Variants in NLRC5 observed in about 807,000 individuals in gnomAD.
The protein encoded by NLRC5 is protein NLRC5.
Under a neutral mutation model 206.9 loss-of-function variants are expected in NLRC5, and 114 were observed. The observed-to-expected ratio is 0.55, with a 90% CI of 0.47 to 0.64. The LOEUF (loss-of-function observed/expected upper bound fraction) is 0.64. NLRC5 is among the 30% of genes least tolerant of loss of function. NLRC5 has a pLI of 0.00. For synonymous variants in NLRC5, 952 were observed against 962.8 expected, an observed-to-expected ratio of 0.99 and a Z score of 0.21; for missense variants, 2,008 against 2,305.5, an observed-to-expected ratio of 0.87 and a Z score of 2.64.
At chr16:57,032,719 G>A (rs1486545753) in intron 11 of NLRC5, among the ~76,000 whole-genome samples, 1 of 151,778 alleles carries the variant, frequency 6.6e-6, no homozygotes, top group East Asian at 1.9e-4. Flanking sequence ...TAAACAGGCT[G>A]GCATGGTGGC....
intron 21 of NLRC5, among the ~76,000 whole-genome samples, chr16:57,045,791 G>A (rs2063871953): frequency 6.6e-6 from 1 of 152,242 alleles, no homozygotes; most frequent in Non-Finnish European, 1.5e-5. Context: ...TGTGGGAGGA[G>A]ACAGGAGAAC....
intron 14 of NLRC5, among the ~76,000 whole-genome samples, chr16:57,036,597 T>C (rs1204924361): frequency 6.8e-6 from 1 of 147,800 alleles, no homozygotes; most frequent in African/African-American, 2.5e-5. Context: ...GGTGGTGAGA[T>C]GGAAAGGTAG....
At chr16:57,044,705 G>A (rs1302322126) in intron 20 of NLRC5, among the ~76,000 whole-genome samples, 2 of 152,106 alleles carry the variant, frequency 1.3e-5, no homozygotes, top group East Asian at 1.9e-4. Flanking sequence ...GATCACCTGA[G>A]CCTAGGAGTT....
At chr16:57,055,229 G>T in intron 26 of NLRC5, 135 bp downstream of exon 26, 1 of 1,015,944 alleles carries the variant, frequency 9.8e-7, no homozygotes, top group Non-Finnish European at 1.5e-6. Flanking sequence ...AGAGGGACTT[G>T]TTTCACCCAG....
intron 48 of NLRC5, 96 bp from the exon 49 acceptor site, chr16:57,082,321 C>A: frequency 1.0e-6 from 1 of 957,140 alleles, no homozygotes; most frequent in Non-Finnish European, 1.6e-6. Flanking sequence ...ACTCTAGGCA[C>A]AGCTCTACCT....
chr16:57,076,470 C>T (rs2068415170), intron 39 of NLRC5, among the ~76,000 whole-genome samples: 1 of 152,252 alleles, frequency 6.6e-6, no homozygotes, highest in African/African-American at 2.4e-5. Context: ...TTCAGCCGGG[C>T]CAGCCCGGAG....
intron 1 of NLRC5, among the ~76,000 whole-genome samples, chr16:57,010,877 A>G (rs2142580735): frequency 6.6e-6 from 1 of 151,730 alleles, no homozygotes; most frequent in Non-Finnish European, 1.5e-5. Flanking sequence ...TCTAGTTTTT[A>G]ATGTAAATGT....
At position 57,083,279 on chromosome 16, in the gene NLRC5, G is replaced by A. The variant is rs1223128367; in HGVS notation, c.*751G>A. 2.0e-5 allele frequency: 3 copies of A among 152,314 alleles called. No homozygotes were observed. Among genetic ancestry groups the A allele is most frequent in the African/African-American group, 7.2e-5 (3 of 41,456 alleles). 9.4% of individuals were successfully genotyped at this position (152,314 alleles called of 1,614,324 possible). A position where few individuals can be genotyped will look rare whatever the true frequency, so the allele number is the denominator to read the frequency against. On this transcript the variant is annotated 3_prime_UTR_variant, in exon 49 of 49. Coordinates refer to ENST00000688547, the MANE Select transcript of NLRC5 (RefSeq NM_001384950.1). ...CAGGTGGAGGTAGGGCCAGCCTGGC[G>A]GGAGTGGAGAAGCCCAGTCTGTCCT...
intron 19 of NLRC5, among the ~76,000 whole-genome samples, chr16:57,042,349 G>A (rs2063389140): frequency 1.3e-5 from 2 of 152,116 alleles, no homozygotes; most frequent in African/African-American, 4.8e-5. Flanking sequence ...GGCAGGTGTG[G>A]GTGCGAAGTA....
rs79189186 is a variant in NLRC5 at position 57,029,763 on chromosome 16, C to T, written c.2244-10C>T. ...CAGGGCAAAGGGACTGGGCCTTGGT[C>T]TCCTCGCAGTTTTCGGGACAACCAG... On this transcript the variant is annotated splice_polypyrimidine_tract_variant and intron_variant, in intron 8 of 48. Coordinates refer to ENST00000688547, the MANE Select transcript of NLRC5 (RefSeq NM_001384950.1). 1.2e-6 allele frequency: 2 copies of T among 1,613,696 alleles called. No individual in the cohort carries two copies. The highest frequency in any genetic ancestry group is 1.1e-5 in the South Asian group (1 of 91,000).
At chr16:56,995,331 G>GTC (rs2057468585) in intron 1 of NLRC5, among the ~76,000 whole-genome samples, 1 of 152,198 alleles carries the variant, frequency 6.6e-6, no homozygotes, top group South Asian at 2.1e-4. Context: ...GGCTGTTTCT[G>GTC]TCTCAAGAAA....
intron 20 of NLRC5, 24 bp downstream of exon 20, chr16:57,043,628 G>GCCCTGC (rs2063558091): frequency 6.3e-7 from 1 of 1,586,976 alleles, no homozygotes; most frequent in Non-Finnish European, 8.7e-7. Context: ...TCCGCCCCCA[G>GCCCTGC]CCCTGCCCCT....
intron 30 of NLRC5, among the ~76,000 whole-genome samples, chr16:57,059,966 T>G (rs1245130408): frequency 6.6e-6 from 1 of 151,916 alleles, no homozygotes; most frequent in Non-Finnish European, 1.5e-5. Context: ...AGTTAATAAG[T>G]ATAAAGTGCC....
At chr16:57,054,594 C>G (rs1399839275) in intron 24 of NLRC5, among the ~76,000 whole-genome samples, 157 bp from the exon 25 acceptor site, 1 of 152,134 alleles carries the variant, frequency 6.6e-6, no homozygotes, top group African/African-American at 2.4e-5. Context: ...CCAAATCTGC[C>G]TGTCCCTCAG....
chr16:57,054,386 G>A (rs1276480029), intron 24 of NLRC5, among the ~76,000 whole-genome samples: 1 of 152,176 alleles, frequency 6.6e-6, no homozygotes, highest in Non-Finnish European at 1.5e-5. Context: ...TGTGCTTGCA[G>A]GTAAAAACAA....
At chr16:57,078,466 GTTTTT>G (rs71383218) in intron 43 of NLRC5, among the ~76,000 whole-genome samples, 4 of 92,206 alleles carry the variant, frequency 4.3e-5, no homozygotes, top group East Asian at 3.7e-4. Flanking sequence ...CTGGGACCTT[GTTTTT>G]TTTTTTTTTT....
chr16:57,002,800 ACGCCCAG>A (rs2058439191), intron 1 of NLRC5, among the ~76,000 whole-genome samples: 1 of 151,756 alleles, frequency 6.6e-6, no homozygotes. Flanking sequence ...GGGCGCCACT[ACGCCCAG>A]CTAATTTTTG....
In NLRC5 at chr16:57,059,215, G is replaced by C. The variant is rs1479986033; in HGVS notation, c.3920+154G>C. The C allele has an allele frequency of 2.4e-5, 36 of 1,514,832 alleles. 1 individual carries two copies. The East Asian group carries it at 8.6e-4, about 36-fold the overall frequency. The allele number at this position is 1,514,832 out of a possible 1,614,324, so 93.8% of individuals were successfully genotyped here. On this transcript the variant is annotated intron_variant, in intron 29 of 48. Transcript: ENST00000688547. ...TTTCTCTGAATCTCAGGGTTTCCTG[G>C]GCATGGGATCATAATTTCTATCCCC...
chr16:57,052,614 A>T (rs2065076124), intron 24 of NLRC5: 1 of 152,202 alleles, frequency 6.6e-6, no homozygotes. Context: ...CATAATGTTA[A>T]TAACATCGGT....
Sources: gnomAD v4.1 joint callset for allele counts (sites outside exome capture counted in the v4.1 genomes callset) on GRCh38, gnomAD v4.1.1 for gene constraint, MANE v1.5 for transcripts, NCBI Gene and HGNC (gene_info 2026-07-23, HGNC 2026-07-21) for gene names.